RASAL2: variants seen among roughly 807,000 people sequenced by gnomAD.
RASAL2 encodes the protein ras GTPase-activating protein nGAP.
A neutral mutation model predicts 128.9 loss-of-function variants in RASAL2; 58 were observed. The observed-to-expected ratio is 0.45, with a 90% confidence interval of 0.36 to 0.56. The LOEUF is 0.56. Among genes scored for constraint, RASAL2 ranks in the 20% least tolerant of loss-of-function variants. The probability of loss-of-function intolerance (pLI) is 0.00; values close to 1 mark genes in which losing one functional copy is unlikely to be tolerated. For missense variants in RASAL2, 1,360 were observed against 1,601.6 expected (o/e 0.85, Z 2.57); for synonymous variants, 561 against 580.8 (o/e 0.97, Z 0.49).
At chr1:178,455,544 G>A (rs1373665224) in intron 12 of RASAL2, among the ~76,000 whole-genome samples, 2 of 152,204 alleles carry the variant, frequency 1.3e-5, no homozygotes, top group Admixed American at 6.5e-5. Context: ...ATGTGGTAAT[G>A]TGTCCTCCAG....
At position 178,396,786 on chromosome 1, in the gene RASAL2, T is replaced by C. The variant is rs558028435; in HGVS notation, c.564+6580T>C. Among the ~76,000 whole-genome samples the C allele has an allele frequency of 4.7e-5, 7 of 149,388 alleles. No homozygotes were observed. In the East Asian group the frequency reaches 1.2e-3, roughly 25 times the overall value. The stretch of plus-strand genomic sequence containing the variant: ...TTCCAACAGTATTATTTGATTATAA[T>C]ATCAATACAAAATTTTTTGTCAGAT... On this transcript the variant is annotated intron_variant, in intron 4 of 17. Transcript: ENST00000367649.
intron 3 of RASAL2, among the ~76,000 whole-genome samples, chr1:178,308,502 C>T (rs1244013459): frequency 1.4e-5 from 2 of 147,822 alleles, no homozygotes; most frequent in Admixed American, 6.8e-5. Context: ...AGCTTTTGAT[C>T]AGAATTAATA....
chr1:178,426,708 A>C (rs1301634992), intron 5 of RASAL2, among the ~76,000 whole-genome samples: 1 of 152,138 alleles, frequency 6.6e-6, no homozygotes, highest in African/African-American at 2.4e-5. Context: ...AAACAATGAA[A>C]ACCAGACGTT....
intron 1 of RASAL2, among the ~76,000 whole-genome samples, chr1:178,138,622 A>T (rs1373797662): frequency 3.9e-5 from 6 of 152,128 alleles, no homozygotes; most frequent in Non-Finnish European, 7.4e-5. Flanking sequence ...TGAGCTGCAT[A>T]CATTTTTTTC....
chr1:178,304,034 G>A lies in RASAL2; in HGVS notation c.457+3916G>A, dbSNP rs1220689696. ...ACTTGGGTAGGAATTACACAGGTGTGTTCACTTTGTGATAATTCATTGAGC... is the reference window on the plus strand; with the variant it reads ...ACTTGGGTAGGAATTACACAGGTGTATTCACTTTGTGATAATTCATTGAGC... On this transcript the variant is annotated intron_variant, in intron 3 of 17. Coordinates refer to ENST00000367649, the MANE Select transcript of RASAL2 (RefSeq NM_170692.4). 4.6e-5 allele frequency among the ~76,000 whole-genome samples: 7 copies of A among 152,262 alleles called. No homozygotes were observed. The South Asian group carries it at 1.2e-3, about 27-fold the overall frequency.
At chr1:178,349,248 G>A (rs1670329855) in intron 3 of RASAL2, among the ~76,000 whole-genome samples, 1 of 139,462 alleles carries the variant, frequency 7.2e-6, no homozygotes, top group Non-Finnish European at 1.5e-5. Context: ...GTGAAACCCT[G>A]TCTCTACTTT....
chr1:178,320,116 G>T (rs1372475292), intron 3 of RASAL2, among the ~76,000 whole-genome samples: 1 of 151,966 alleles, frequency 6.6e-6, no homozygotes, highest in Non-Finnish European at 1.5e-5. Context: ...GGGGGTCAGG[G>T]GTCAGGGACC....
intron 2 of RASAL2, among the ~76,000 whole-genome samples, chr1:178,287,188 G>T (rs1474920709): frequency 3.3e-5 from 5 of 151,204 alleles, no homozygotes; most frequent in African/African-American, 9.7e-5. Flanking sequence ...TCTTTATCTA[G>T]TCTGCCCAGT....
chr1:178,163,241 C>G (rs1661397757), intron 1 of RASAL2, among the ~76,000 whole-genome samples: 1 of 152,172 alleles, frequency 6.6e-6, no homozygotes, highest in African/African-American at 2.4e-5. Context: ...GCTGGGATTA[C>G]AGGCATGAGC....
At chr1:178,211,171 C>A (rs1441226472) in intron 1 of RASAL2, among the ~76,000 whole-genome samples, 3 of 152,328 alleles carry the variant, frequency 2.0e-5, no homozygotes, top group Admixed American at 6.5e-5. Context: ...ATACCATGCT[C>A]ACTTCTCCAG....
intron 1 of RASAL2, among the ~76,000 whole-genome samples, chr1:178,166,883 CTGT>C (rs1244655843): frequency 5.3e-5 from 8 of 151,902 alleles, no homozygotes; most frequent in Non-Finnish European, 1.0e-4. Flanking sequence ...TAAAAGTCCC[CTGT>C]TGTTATGCTT....
chr1:178,364,074 T>C (rs374833279), intron 3 of RASAL2, among the ~76,000 whole-genome samples: 151 of 148,882 alleles, frequency 1.0e-3, no homozygotes, highest in African/African-American at 3.7e-3. Context: ...CCAGCCTGGG[T>C]GACAGAGCGA....
intron 3 of RASAL2, among the ~76,000 whole-genome samples, chr1:178,334,316 A>G (rs1453962481): frequency 6.6e-6 from 1 of 151,600 alleles, no homozygotes; most frequent in African/African-American, 2.4e-5. Context: ...TTGGTAAAAA[A>G]TCATTCATTT....
At chr1:178,329,337 G>C (rs1355252373) in intron 3 of RASAL2, among the ~76,000 whole-genome samples, 1 of 152,126 alleles carries the variant, frequency 6.6e-6, no homozygotes, top group African/African-American at 2.4e-5. Context: ...AAATGTCCCA[G>C]AACTGACATT....
In RASAL2 at chr1:178,439,479, A is replaced by C. The variant is rs1363041514; in HGVS notation, c.732A>C (p.Pro244=). Reference sequence around the variant, plus strand: ...GTTCCCATGAATCCTTGCTGAGCCCATGCAGCACAGTGGAATGTCTGGATC... The same window carrying C: ...GTTCCCATGAATCCTTGCTGAGCCCCTGCAGCACAGTGGAATGTCTGGATC... ...ESRSHESLLS[P]CSTVECLDLG... is the part of the protein sequence containing the mutation. Residue 244 remains proline (P), a synonymous_variant, in exon 6 of 18, where the codon CCA becomes CCC. Coordinates refer to ENST00000367649, the MANE Select transcript of RASAL2 (RefSeq NM_170692.4). 6.2e-7 allele frequency: 1 copy of C among 1,612,908 alleles called. No homozygotes were observed. Among genetic ancestry groups the C allele is most frequent in the Admixed American group, 1.7e-5 (1 of 59,888 alleles).
At chr1:178,233,131 T>G (rs1250052327) in intron 1 of RASAL2, among the ~76,000 whole-genome samples, 1 of 152,216 alleles carries the variant, frequency 6.6e-6, no homozygotes, top group African/African-American at 2.4e-5. Flanking sequence ...ACACCAGCTC[T>G]TAAGCAGCAA....
At chr1:178,249,404 T>C (rs535155151) in intron 1 of RASAL2, among the ~76,000 whole-genome samples, 1 of 152,194 alleles carries the variant, frequency 6.6e-6, no homozygotes, top group South Asian at 2.1e-4. Flanking sequence ...TCATTTATGT[T>C]CTTCTCTAAA....
rs546030844 is a variant in RASAL2 at position 178,283,588 on chromosome 1, G to A, written c.227G>A (p.Arg76His). 6.0e-5 allele frequency: 96 copies of A among 1,612,826 alleles called. No individual in the cohort carries two copies. The Middle Eastern group carries it at 6.6e-4, about 11-fold the overall frequency. Residue 76 changes from arginine (R) to histidine (H), a missense_variant, in exon 2 of 18, where the codon CGT (arginine) becomes CAT (histidine). By Grantham distance (29) the Arg-to-His change is conservative (BLOSUM62 0). Around this residue, in one of 3 missense-constraint regions of RASAL2, gnomAD observed 617 missense variants for 714.2 expected, o/e 0.86. Transcript: ENST00000367649. ...GATGTGAAAGGACCACCCACCCACC[G>A]TCTGTCTTGTGGTCAGTCACCCTAC... ...VYDVKGPPTH[R>H]LSCGQSPYTE... is the part of the protein sequence containing the mutation.
chr1:178,153,683 T>G (rs1660985486), intron 1 of RASAL2, among the ~76,000 whole-genome samples: 1 of 152,192 alleles, frequency 6.6e-6, no homozygotes, highest in Non-Finnish European at 1.5e-5. Context: ...ATACACCATA[T>G]TTTGCTTGGC....
Sources: allele counts gnomAD v4.1 joint callset (sites outside exome capture counted in the v4.1 genomes callset), GRCh38; gene constraint gnomAD v4.1.1; regional missense constraint gnomAD v4.1.1; transcripts MANE v1.5; gene names NCBI Gene and HGNC (gene_info 2026-07-23, HGNC 2026-07-21).